Variants in PTDSS1 observed in about 807,000 individuals in gnomAD.
The protein encoded by PTDSS1 is phosphatidylserine synthase 1.
Under a neutral mutation model 70.5 loss-of-function variants are expected in PTDSS1, and 45 were observed. The observed-to-expected ratio is 0.64, with a 90% CI of 0.50 to 0.82. The LOEUF (loss-of-function observed/expected upper bound fraction) is 0.82, where lower values mean the gene tolerates loss of function less well. PTDSS1 is among the 40% of genes least tolerant of loss of function. The pLI is 0.00. For synonymous variants in PTDSS1, 188 were observed against 203.8 expected (o/e 0.92, Z 0.66); for missense variants, 417 against 586.1 (o/e 0.71, Z 2.98).
At chr8:96,324,235 C>G (rs1014533389) in intron 10 of PTDSS1, among the ~76,000 whole-genome samples, 2 of 152,158 alleles carry the variant, frequency 1.3e-5, no homozygotes, top group African/African-American at 2.4e-5. Context: ...TGAGGCTTTC[C>G]CTCTTTTCTT....
At chr8:96,290,011 T>C (rs1810879279) in intron 4 of PTDSS1, among the ~76,000 whole-genome samples, 1 of 152,204 alleles carries the variant, frequency 6.6e-6, no homozygotes, top group Non-Finnish European at 1.5e-5. Context: ...TGTCAGACAC[T>C]GTGCAGGGCT....
intron 6 of PTDSS1, among the ~76,000 whole-genome samples, chr8:96,301,242 C>T (rs370009107): frequency 1.1e-4 from 16 of 151,730 alleles, no homozygotes; most frequent in South Asian, 2.1e-4. Flanking sequence ...GGACTTCAGG[C>T]GCGTGCCACC....
chr8:96,289,798 C>T (rs1411529772), intron 4 of PTDSS1, among the ~76,000 whole-genome samples: 1 of 151,952 alleles, frequency 6.6e-6, no homozygotes, highest in Admixed American at 6.6e-5. Context: ...AGATTGTTAT[C>T]TATAAATTTT....
At chr8:96,317,840 G>T (rs1811316666) in intron 9 of PTDSS1, among the ~76,000 whole-genome samples, 2 of 150,708 alleles carry the variant, frequency 1.3e-5, no homozygotes. Flanking sequence ...AAAAATATCA[G>T]AATAAAGATG....
chr8:96,272,547 A>G (rs551092765), intron 1 of PTDSS1, among the ~76,000 whole-genome samples: 3 of 152,154 alleles, frequency 2.0e-5, no homozygotes, highest in Admixed American at 6.5e-5. Context: ...GGCTTGGGGG[A>G]ACAATCATTG....
At chr8:96,318,043 G>C (rs1361404630) in intron 9 of PTDSS1, among the ~76,000 whole-genome samples, 3 of 152,006 alleles carry the variant, frequency 2.0e-5, no homozygotes, top group Admixed American at 6.6e-5. Context: ...GCTTTTAAAA[G>C]GGCCCTCAGG....
chr8:96,290,519 T>C (rs1036394526), intron 4 of PTDSS1, among the ~76,000 whole-genome samples: 3 of 152,234 alleles, frequency 2.0e-5, no homozygotes, highest in Non-Finnish European at 4.4e-5. Context: ...TTTCAAGTAT[T>C]GGCTAAATCT....
chr8:96,279,658 A>C (rs556686501), intron 2 of PTDSS1, among the ~76,000 whole-genome samples: 2 of 152,072 alleles, frequency 1.3e-5, no homozygotes, highest in African/African-American at 4.8e-5. Context: ...GTCTCTACTG[A>C]AAATACAAAA....
intron 10 of PTDSS1, among the ~76,000 whole-genome samples, chr8:96,326,828 A>G (rs1021111852): frequency 1.3e-5 from 2 of 152,220 alleles, no homozygotes; most frequent in African/African-American, 2.4e-5. Context: ...TGCCAGGCCT[A>G]GTTGACAAGT....
chr8:96,278,972 CTTTT>C (rs36085094), intron 2 of PTDSS1, among the ~76,000 whole-genome samples: 1 of 122,628 alleles, frequency 8.2e-6, no homozygotes, highest in African/African-American at 3.2e-5. Flanking sequence ...TTCAGCCCCC[CTTTT>C]TTTTTTTTTT....
At chr8:96,284,701 G>A (rs766631060) in intron 3 of PTDSS1, among the ~76,000 whole-genome samples, 2 of 152,116 alleles carry the variant, frequency 1.3e-5, no homozygotes, top group Non-Finnish European at 2.9e-5. Context: ...ATCACCTAAA[G>A]GATTTAAAAT....
At chr8:96,299,041 G>GAA (rs1554584242) in intron 5 of PTDSS1, among the ~76,000 whole-genome samples, 11 of 117,580 alleles carry the variant, frequency 9.4e-5, no homozygotes, top group African/African-American at 1.6e-4. Flanking sequence ...CTCTGTCTCA[G>GAA]AAAAAAAAAA....
intron 11 of PTDSS1, 21 bp from the exon 12 acceptor site, chr8:96,331,005 T>C: frequency 6.2e-7 from 1 of 1,603,262 alleles, no homozygotes; most frequent in Non-Finnish European, 8.5e-7. Context: ...ATTCCTGCAC[T>C]AAGCCTGTCT....
At position 96,333,757 on chromosome 8, in the gene PTDSS1, C is replaced by T. The variant is rs1260373578; in HGVS notation, c.*191C>T. The T allele has an allele frequency of 1.4e-6, 1 of 716,516 alleles. No individual in the cohort carries two copies. Among genetic ancestry groups the T allele is most frequent in the Non-Finnish European group, 2.5e-6 (1 of 397,654 alleles). The allele number at this position is 716,516 out of a possible 1,614,324, so 44.4% of individuals were successfully genotyped here. A position where few individuals can be genotyped will look rare whatever the true frequency, so the allele number is the denominator to read the frequency against. On this transcript the variant is annotated 3_prime_UTR_variant, in exon 13 of 13. Coordinates refer to ENST00000517309, the MANE Select transcript of PTDSS1 (RefSeq NM_014754.3). ...CTGGCCGCGTCAGGCAGATCATCGC[C>T]TGGGGGGCCTTTGCCAACGTGGGGT...
intron 4 of PTDSS1, among the ~76,000 whole-genome samples, chr8:96,287,730 T>A (rs1184100235): frequency 2.0e-5 from 3 of 152,050 alleles, no homozygotes; most frequent in Admixed American, 2.0e-4. Flanking sequence ...TTTCATTTGT[T>A]ACTATTATTT....
At position 96,299,777 on chromosome 8, in the gene PTDSS1, T is replaced by C. The variant is rs773947622; in HGVS notation, c.684T>C (p.Gly228=). Reference sequence around the variant, plus strand: ...TGGACATCCTGTTGTGCAATGGCGGTGGCATTTGGCTGGGCATGGTCGTTT... The same window carrying C: ...TGGACATCCTGTTGTGCAATGGCGGCGGCATTTGGCTGGGCATGGTCGTTT... ...VILDILLCNG[G]GIWLGMVVCR... is the part of the protein sequence containing the mutation. Residue 228 remains glycine (G), a synonymous_variant, in exon 6 of 13, where the codon GGT becomes GGC. Transcript: ENST00000517309. 13 of 1,614,072 alleles carry C rather than the reference T, an allele frequency of 8.1e-6. No individual in the cohort carries two copies. The highest frequency in any genetic ancestry group is 6.7e-5 in the East Asian group (3 of 44,888).
chr8:96,303,121 T>A (rs920481413), intron 6 of PTDSS1, among the ~76,000 whole-genome samples: 1 of 152,266 alleles, frequency 6.6e-6, no homozygotes, highest in African/African-American at 2.4e-5. Context: ...TTGATCACGC[T>A]GCATCTCTCT....
Position 96,336,764 on chromosome 8 carries a change from G to A in PTDSS1, c.*3198G>A, listed in dbSNP as rs1811598295. ...TAATCCCAGCACTTTGGGAGGCTGA[G>A]GTGGGTGGATCGCCTGAGGTCAGGA... On this transcript the variant is annotated 3_prime_UTR_variant, in exon 13 of 13. Transcript: ENST00000517309. The A allele has an allele frequency of 6.6e-6, 1 of 152,006 alleles. No homozygotes were observed. Among genetic ancestry groups the A allele is most frequent in the African/African-American group, 2.4e-5 (1 of 41,212 alleles). The allele number at this position is 152,006 out of a possible 1,614,324, so 9.4% of individuals were successfully genotyped here. A position where few individuals can be genotyped will look rare whatever the true frequency, so the allele number is the denominator to read the frequency against.
intron 9 of PTDSS1, 58 bp downstream of exon 9, chr8:96,309,680 GTATTT>G: frequency 6.4e-7 from 1 of 1,563,314 alleles, no homozygotes; most frequent in South Asian, 1.1e-5. Context: ...TTTTATTTGG[GTATTT>G]CTTGACCCTG....
Sources: gnomAD v4.1 joint callset for allele counts (sites outside exome capture counted in the v4.1 genomes callset) on GRCh38, gnomAD v4.1.1 for gene constraint, MANE v1.5 for transcripts, NCBI Gene and HGNC (gene_info 2026-07-23, HGNC 2026-07-21) for gene names.